Variants in LRRC3C observed in about 807,000 individuals in gnomAD.
LRRC3C encodes leucine rich repeat containing 3C, also known as leucine-rich repeat-containing protein 3C.
In LRRC3C, 11 loss-of-function variants were observed where a neutral mutation model predicts 14.8. The ratio of observed to expected loss-of-function variants is 0.74; its 90% CI spans 0.47 to 1.23. The LOEUF (loss-of-function observed/expected upper bound fraction) is 1.23. Ranked by LOEUF, LRRC3C falls within the 50% of genes most tolerant of loss-of-function variation. The probability of loss-of-function intolerance (pLI) is 0.00; values close to 1 mark genes in which losing one functional copy is unlikely to be tolerated. For missense variants in LRRC3C, 354 were observed against 361.8 expected (o/e 0.98, Z 0.18); for synonymous variants, 149 against 161.5 (o/e 0.92, Z 0.59).
rs143490114 is a variant in LRRC3C at position 39,936,292 on chromosome 17, T to C, written c.-82+398T>C. On this transcript the variant is annotated intron_variant, in intron 2 of 3. Transcript: ENST00000377924. ...GGATGTGCCCCGTGGCATAAACATC[T>C]GCTGGTCTTGGGCCTAGCCCGAGAA... Among the ~76,000 whole-genome samples, 54 of 152,356 alleles carry C rather than the reference T, an allele frequency of 3.5e-4. No homozygotes were observed. In the East Asian group the frequency reaches 0.01, roughly 29 times the overall value.
At chr17:39,928,868 G>A (rs1214423161) in intron 1 of LRRC3C, among the ~76,000 whole-genome samples, 1 of 152,192 alleles carries the variant, frequency 6.6e-6, no homozygotes, top group Non-Finnish European at 1.5e-5. Context: ...GACCCCCAGA[G>A]GCACTTAGTG....
At chr17:39,933,960 AG>A (rs1378994034) in intron 1 of LRRC3C, among the ~76,000 whole-genome samples, 1 of 152,176 alleles carries the variant, frequency 6.6e-6, no homozygotes, top group Non-Finnish European at 1.5e-5. Flanking sequence ...GGGAAGAAGG[AG>A]GGGGAGGGGA....
At position 39,944,769 on chromosome 17, in the gene LRRC3C, T is replaced by C. The variant is rs1438892224; in HGVS notation, c.*35T>C. 10 of 1,525,134 alleles carry C rather than the reference T, an allele frequency of 6.6e-6. No individual in the cohort carries two copies. 94.5% of individuals were successfully genotyped at this position (1,525,134 alleles called of 1,614,324 possible). ...ATGCTCCTCCAGCCACACCCCACAC[T>C]CCTGCCCCTATGCCCTCTCCTTTGC... On this transcript the variant is annotated 3_prime_UTR_variant, in exon 4 of 4. Coordinates refer to ENST00000377924, the MANE Select transcript of LRRC3C (RefSeq NM_001195545.2).
At chr17:39,933,741 A>AG (rs990466416) in intron 1 of LRRC3C, among the ~76,000 whole-genome samples, 1 of 152,174 alleles carries the variant, frequency 6.6e-6, no homozygotes, top group African/African-American at 2.4e-5. Flanking sequence ...TCAAAAAAAA[A>AG]GAAAAGAAAA....
In LRRC3C at chr17:39,944,949, G is replaced by A. The variant is rs1255056578; in HGVS notation, c.*215G>A. On this transcript the variant is annotated 3_prime_UTR_variant, in exon 4 of 4. Transcript: ENST00000377924. ...CATCTTTGGTGCCTGGAGTTTTTTGGTGCCTACTCTGTGCCTGGATTGTGC... is the reference window on the plus strand; with the variant it reads ...CATCTTTGGTGCCTGGAGTTTTTTGATGCCTACTCTGTGCCTGGATTGTGC... 1.3e-5 allele frequency among the ~76,000 whole-genome samples: 2 copies of A among 151,562 alleles called. No individual in the cohort carries two copies. The highest frequency in any genetic ancestry group is 4.9e-5 in the African/African-American group (2 of 41,180).
chr17:39,930,928 G>A (rs1481281872), intron 1 of LRRC3C, among the ~76,000 whole-genome samples: 4 of 151,270 alleles, frequency 2.6e-5, no homozygotes, highest in African/African-American at 9.7e-5. Context: ...GATCACCTGA[G>A]GTCAGGAGTT....
chr17:39,929,365 T>C (rs1978584389), intron 1 of LRRC3C: 1 of 152,246 alleles, frequency 6.6e-6, no homozygotes, highest in Non-Finnish European at 1.5e-5. Context: ...ACTCCTGTTA[T>C]CGAGGATTTT....
chr17:39,941,325 T>A (rs932010836), intron 2 of LRRC3C, 118 bp from the exon 3 acceptor site: 30 of 396,702 alleles, frequency 7.6e-5, no homozygotes, highest in East Asian at 2.0e-4. Flanking sequence ...CACTCCAGCC[T>A]GGGCCACAGA....
At chr17:39,940,004 G>A (rs1978896378) in intron 2 of LRRC3C, among the ~76,000 whole-genome samples, 1 of 152,214 alleles carries the variant, frequency 6.6e-6, no homozygotes, top group Non-Finnish European at 1.5e-5. Context: ...GGGGGAAAGG[G>A]AGGATTGCTC....
In LRRC3C at chr17:39,940,537, C is replaced by T. The variant is rs79022939; in HGVS notation, c.-81-906C>T. 5.6e-4 allele frequency among the ~76,000 whole-genome samples: 85 copies of T among 152,264 alleles called. 3 individuals are homozygous for T. The East Asian group carries it at 0.013, about 24-fold the overall frequency. On this transcript the variant is annotated intron_variant, in intron 2 of 3. Transcript: ENST00000377924. ...AAGCCATCCTCCTACCTCAGCCTCC[C>T]GAGTAGCTAGGACTAAAGTATGCAC...
intron 2 of LRRC3C, 32 bp downstream of exon 2, chr17:39,935,926 T>C: frequency 1.0e-6 from 1 of 958,382 alleles, no homozygotes; most frequent in Non-Finnish European, 1.2e-6. Flanking sequence ...TCTCTATCTA[T>C]CTATCTACCT....
At chr17:39,932,056 A>G (rs1978664376) in intron 1 of LRRC3C, among the ~76,000 whole-genome samples, 1 of 152,186 alleles carries the variant, frequency 6.6e-6, no homozygotes, top group African/African-American at 2.4e-5. Context: ...CACTGGTAAC[A>G]TCCTCTGGCA....
At chr17:39,929,457 G>A (rs1568115482) in intron 1 of LRRC3C, 2 of 152,060 alleles carry the variant, frequency 1.3e-5, no homozygotes, top group Admixed American at 6.6e-5. Flanking sequence ...TTTATTTAGC[G>A]GGAGTCCCTG....
Position 39,944,887 on chromosome 17 carries a change from TTCTCTC to T in LRRC3C, c.*165_*170del. 1 of 641,580 alleles carries T rather than the reference TTCTCTC, an allele frequency of 1.6e-6. No individual in the cohort carries two copies. Among genetic ancestry groups the T allele is most frequent in the Non-Finnish European group, 2.6e-6 (1 of 385,936 alleles). 39.7% of individuals were successfully genotyped at this position (641,580 alleles called of 1,614,324 possible). ...TATTCCCCCTAAATACCTGTGCTGG[TTCTCTC>T]TCTCTCTCTCTGTGTCGTCTTAACC... is the stretch of plus-strand genomic sequence containing the variant. On this transcript the variant is annotated 3_prime_UTR_variant, in exon 4 of 4. Transcript: ENST00000377924.
chr17:39,941,024 G>A (rs367699008), intron 2 of LRRC3C, among the ~76,000 whole-genome samples: 3 of 151,782 alleles, frequency 2.0e-5, no homozygotes, highest in Admixed American at 6.6e-5. Context: ...GATTACAGGC[G>A]TGAGCCACCA....
In LRRC3C at chr17:39,944,536, TGGGTC is replaced by T; in HGVS notation, c.634_638del (p.Ser212ValfsTer37). On this transcript the variant is annotated frameshift_variant, in exon 4 of 4. Coordinates refer to ENST00000377924, the MANE Select transcript of LRRC3C (RefSeq NM_001195545.2). LOFTEE classifies it high-confidence loss of function. ...TGCTGGCAGGGGAGGAAGAGCTGTGTGGGTCGGGGTGGGGTGGGGCCCGGAGGAGC... is the reference window on the plus strand; with the variant it reads ...TGCTGGCAGGGGAGGAAGAGCTGTGTGGGGTGGGGTGGGGCCCGGAGGAGC... 1 of 966,788 alleles carries T rather than the reference TGGGTC, an allele frequency of 1.0e-6. No individual in the cohort carries two copies. Among genetic ancestry groups the T allele is most frequent in the Non-Finnish European group, 1.4e-6 (1 of 692,694 alleles). 59.9% of individuals were successfully genotyped at this position (966,788 alleles called of 1,614,324 possible).
intron 1 of LRRC3C, among the ~76,000 whole-genome samples, chr17:39,931,016 C>T (rs1978636269): frequency 6.6e-6 from 1 of 151,210 alleles, no homozygotes; most frequent in Non-Finnish European, 1.5e-5. Flanking sequence ...GTGACAGGCG[C>T]CTATAATCCC....
In LRRC3C at chr17:39,944,209, C is replaced by A. The variant is rs934064216; in HGVS notation, c.303C>A (p.His101Gln). Residue 101 changes from histidine to glutamine, a missense_variant, in exon 4 of 4, where the codon CAC becomes CAA. Transcript: ENST00000377924. ...LASVPAGAFQ[H>Q]LPVLEELDLS... The stretch of plus-strand genomic sequence containing the variant: ...CGGTGCCTGCTGGTGCCTTCCAGCA[C>A]CTGCCTGTCCTGGAGGAGTTGGATC... The A allele has an allele frequency of 3.3e-6, 5 of 1,536,008 alleles. No individual in the cohort carries two copies. Among genetic ancestry groups the A allele is most frequent in the Non-Finnish European group, 4.4e-6 (5 of 1,146,868 alleles).
chr17:39,932,648 A>G (rs1341711341), intron 1 of LRRC3C, among the ~76,000 whole-genome samples: 1 of 150,986 alleles, frequency 6.6e-6, no homozygotes, highest in Admixed American at 6.6e-5. Flanking sequence ...CTTGAGCCCA[A>G]GGAATTCGAG....
Sources: gnomAD v4.1 joint callset for allele counts (sites outside exome capture counted in the v4.1 genomes callset) on GRCh38, gnomAD v4.1.1 for gene constraint, MANE v1.5 for transcripts, NCBI Gene and HGNC (gene_info 2026-07-23, HGNC 2026-07-21) for gene names.